NOTCH3: variants seen among roughly 807,000 people sequenced by gnomAD.
NOTCH3 encodes notch receptor 3.
In NOTCH3, 86 loss-of-function variants were observed where a neutral mutation model predicts 213.3. The observed-to-expected ratio is 0.40, with a 90% confidence interval of 0.34 to 0.48. The LOEUF (loss-of-function observed/expected upper bound fraction) is 0.48, where lower values mean the gene tolerates loss of function less well. Ranked by LOEUF, NOTCH3 falls within the 20% of genes least tolerant of loss-of-function variation. The pLI, the probability that NOTCH3 is intolerant of heterozygous loss-of-function variation, is 0.57. For missense variants in NOTCH3, 2,783 were observed against 3,272.6 expected, an observed-to-expected ratio of 0.85 and a Z score of 3.65; for synonymous variants, 1,354 against 1,355.9, an observed-to-expected ratio of 1.00 and a Z score of 0.03.
Position 15,193,787 on chromosome 19 carries a change from C to CAA in NOTCH3, c.198-1270_198-1269dup, listed in dbSNP as rs1171974208. On this transcript the variant is annotated intron_variant, in intron 2 of 32. Coordinates refer to ENST00000263388, the MANE Select transcript of NOTCH3 (RefSeq NM_000435.3). ...CTCCATCTCAAAAAAAAACAAAAAA[C>CAA]AAAAAAAACAAACAGGCCAGGCGCA... Among the ~76,000 whole-genome samples the CAA allele has an allele frequency of 3.3e-3, 206 of 62,368 alleles. 19 individuals are homozygous for CAA. Among genetic ancestry groups the CAA allele is most frequent in the African/African-American group, 8.5e-3 (195 of 22,972 alleles). The allele number at this position is 62,368 out of a possible 152,430, so 40.9% of individuals were successfully genotyped here. A position where few individuals can be genotyped will look rare whatever the true frequency, so the allele number is the denominator to read the frequency against.
In NOTCH3 at chr19:15,183,548, C is replaced by T. The variant is rs561944405; in HGVS notation, c.2566+747G>A. 1.4e-3 allele frequency among the ~76,000 whole-genome samples: 210 copies of T among 152,166 alleles called. 1 individual carries two copies. Among genetic ancestry groups the T allele is most frequent in the African/African-American group, 4.9e-3 (204 of 41,524 alleles). On this transcript the variant is annotated intron_variant, in intron 16 of 32. Coordinates refer to ENST00000263388, the MANE Select transcript of NOTCH3 (RefSeq NM_000435.3). ...CCAAGTAGCTGGGATTACAGGCATG[C>T]GCCACCATGCCCTGCTAATTTTGTA...
chr19:15,170,403 G>A lies in NOTCH3; in HGVS notation c.5042C>T (p.Ser1681Leu), dbSNP rs549690346. ...ACCAGAGGCCACGTCCTTGTGCAGTGAGAAGCCCTCAGGGAACCAGAGGGT... is the reference window on the plus strand; with the variant it reads ...ACCAGAGGCCACGTCCTTGTGCAGTAAGAAGCCCTCAGGGAACCAGAGGGT... ...HSTLWFPEGF[S>L]LHKDVASGHK... Residue 1681 changes from serine to leucine, a missense_variant, in exon 27 of 33, where the codon TCA becomes TTA. By Grantham distance (145) the Ser-to-Leu change is moderately radical (BLOSUM62 -2). Around this residue, in one of 6 missense-constraint regions of NOTCH3, gnomAD observed 636 missense variants for 801.8 expected, o/e 0.79. Coordinates refer to ENST00000263388, the MANE Select transcript of NOTCH3 (RefSeq NM_000435.3). The A allele has an allele frequency of 3.3e-5, 53 of 1,613,682 alleles. No homozygotes were observed. In the South Asian group the frequency reaches 5.4e-4, roughly 16 times the overall value.
rs2145418047 is a variant in NOTCH3 at position 15,179,180 on chromosome 19, C to T, written c.3563G>A (p.Gly1188Asp). ...HNGTCVDLVG[G>D]FRCTCPPGYT... Reference sequence around the variant, plus strand: ...TCCTGGGGGACAGGTGCAGCGGAAACCACCCACCAGGTCCACGCAGGTGCC... The same window carrying T: ...TCCTGGGGGACAGGTGCAGCGGAAATCACCCACCAGGTCCACGCAGGTGCC... Residue 1188 changes from glycine (G) to aspartate (D), a missense_variant, in exon 22 of 33, where the codon GGT (glycine) becomes GAT (aspartate). Physicochemically the swap from Gly to Asp is moderately conservative, Grantham distance 94. Transcript: ENST00000263388. The T allele has an allele frequency of 6.2e-7, 1 of 1,614,104 alleles. No individual in the cohort carries two copies. The highest frequency in any genetic ancestry group is 1.6e-4 in the Middle Eastern group (1 of 6,062).
Position 15,160,330 on chromosome 19 carries a change from T to G in NOTCH3, c.*332A>C, listed in dbSNP as rs1444740437. 4.5e-5 allele frequency: 12 copies of G among 265,456 alleles called. No individual in the cohort carries two copies. The highest frequency in any genetic ancestry group is 3.4e-4 in the East Asian group (6 of 17,718). 16.4% of individuals were successfully genotyped at this position (265,456 alleles called of 1,614,324 possible). On this transcript the variant is annotated 3_prime_UTR_variant, in exon 33 of 33. Coordinates refer to ENST00000263388, the MANE Select transcript of NOTCH3 (RefSeq NM_000435.3). ...GTAAAAAAAAAAAGAAAAATAAAAATAATAATAATTCATTCATGTCAGAGT... is the reference window on the plus strand; with the variant it reads ...GTAAAAAAAAAAAGAAAAATAAAAAGAATAATAATTCATTCATGTCAGAGT...
Position 15,161,525 on chromosome 19 carries a change from CG to C in NOTCH3, c.6102del (p.Gly2035ValfsTer50), listed in dbSNP as rs771517374. The C allele has an allele frequency of 6.9e-6, 11 of 1,599,548 alleles. No individual in the cohort carries two copies. The highest frequency in any genetic ancestry group is 3.5e-5 in the Admixed American group (2 of 57,812). ...AGCAGAGGCCCCAGGCCGTGGGGAC[CG>C]GGGGGGCTGCGGGGCCCACTGGGTT... Reference protein sequence around the residue: ...LDQPSGPRSPPGPHGLGPLLC... With the variant: ...LDQPSGPRSPXGPHGLGPLLC... On this transcript the variant is annotated frameshift_variant, in exon 33 of 33. Transcript: ENST00000263388. LOFTEE classifies it low-confidence loss of function (END_TRUNC).
rs2046999636 is a variant in NOTCH3, at chr19:15,200,054, G to A, written c.118+734C>T. ...GAGGGGAGGGAGGAGAGGAGGAGGG[G>A]CGGGGGCCCCTGGCCGGCTGGGGAG... On this transcript the variant is annotated intron_variant, in intron 1 of 32. Transcript: ENST00000263388. 9.6e-4 allele frequency among the ~76,000 whole-genome samples: 5 copies of A among 5,196 alleles called. No homozygotes were observed. The South Asian group carries it at 0.017, about 18-fold the overall frequency. 3.4% of individuals were successfully genotyped at this position (5,196 alleles called of 152,430 possible). A position where few individuals can be genotyped will look rare whatever the true frequency, so the allele number is the denominator to read the frequency against.
At chr19:15,166,215 T>A in intron 29 of NOTCH3, 124 bp from the exon 30 acceptor site, 1 of 826,122 alleles carries the variant, frequency 1.2e-6, no homozygotes, top group Non-Finnish European at 2.0e-6. Context: ...CAGATCCTCC[T>A]GTCTGCACAC....
intron 2 of NOTCH3, among the ~76,000 whole-genome samples, chr19:15,197,141 A>G (rs1167883922): frequency 2.0e-5 from 3 of 152,122 alleles, no homozygotes; most frequent in Non-Finnish European, 4.4e-5. Flanking sequence ...TTGGTCCCTG[A>G]TAGTTTGTTG....
Position 15,180,228 on chromosome 19 carries a change from C to G in NOTCH3, c.3171G>C (p.Ala1057=), listed in dbSNP as rs569728292. Reference sequence around the variant, plus strand: ...TGTCTTCATCCACACACTGCCCACCCGCCTGACACAGCTGCTCCAGCCGCA... The same window carrying G: ...TGTCTTCATCCACACACTGCCCACCGGCCTGACACAGCTGCTCCAGCCGCA... ...IGVRLEQLCQ[A]GGQCVDEDSS... is the part of the protein sequence containing the mutation. Residue 1057 remains alanine (A), a synonymous_variant, in exon 20 of 33, where the codon GCG becomes GCC. Transcript: ENST00000263388. 9.9e-6 allele frequency: 16 copies of G among 1,613,772 alleles called. No individual in the cohort carries two copies. The South Asian group carries it at 1.8e-4, about 18-fold the overall frequency.
At chr19:15,164,350 G>A (rs1272339924) in intron 31 of NOTCH3, among the ~76,000 whole-genome samples, 1 of 152,056 alleles carries the variant, frequency 6.6e-6, no homozygotes, top group Non-Finnish European at 1.5e-5. Context: ...GGCCAGCCTG[G>A]CCAACATTGC....
Position 15,192,160 on chromosome 19 carries a change from T to A in NOTCH3, c.479A>T (p.Asp160Val). ...GCAGGGCTCACCCACCCGGCACTCATCCACGTCGCTTCGGCAGCTGCGGCC... is the reference window on the plus strand; with the variant it reads ...GCAGGGCTCACCCACCCGGCACTCAACCACGTCGCTTCGGCAGCTGCGGCC... Reference protein sequence around the residue: ...YQGRSCRSDVDECRVGEPCRH... With the variant: ...YQGRSCRSDVVECRVGEPCRH... Residue 160 changes from aspartate (D) to valine (V), a missense_variant, in exon 4 of 33, where the codon GAT becomes GTT. This residue lies in a region of NOTCH3 where 708 missense variants were observed against 906.6 expected (regional missense o/e 0.78). Coordinates refer to ENST00000263388, the MANE Select transcript of NOTCH3 (RefSeq NM_000435.3). 6.2e-7 allele frequency: 1 copy of A among 1,612,692 alleles called. No homozygotes were observed. The highest frequency in any genetic ancestry group is 8.5e-7 in the Non-Finnish European group (1 of 1,179,918).
At chr19:15,169,334 C>T (rs2046711868) in intron 28 of NOTCH3, among the ~76,000 whole-genome samples, 1 of 152,044 alleles carries the variant, frequency 6.6e-6, no homozygotes, top group South Asian at 2.1e-4. Flanking sequence ...CTGACAGCAC[C>T]TTGGGCTTGG....
chr19:15,166,227 C>T, intron 29 of NOTCH3, 136 bp from the exon 30 acceptor site: 1 of 747,674 alleles, frequency 1.3e-6, no homozygotes, highest in African/African-American at 1.7e-5. Flanking sequence ...TCTGCACACC[C>T]ACACCCAGAA....
In NOTCH3 at chr19:15,160,517, G is replaced by A. The variant is rs558168808; in HGVS notation, c.*145C>T. 22 of 780,746 alleles carry A rather than the reference G, an allele frequency of 2.8e-5. No homozygotes were observed. The highest frequency in any genetic ancestry group is 1.5e-4 in the Admixed American group (8 of 54,494). The allele number at this position is 780,746 out of a possible 1,614,324, so 48.4% of individuals were successfully genotyped here. A position where few individuals can be genotyped will look rare whatever the true frequency, so the allele number is the denominator to read the frequency against. Reference sequence around the variant, plus strand: ...AAGCCCTGGGCTGATGACCTATCTCGGTCACGCTGCAAGGCAAGGATGCAG... The same window carrying A: ...AAGCCCTGGGCTGATGACCTATCTCAGTCACGCTGCAAGGCAAGGATGCAG... On this transcript the variant is annotated 3_prime_UTR_variant, in exon 33 of 33. Transcript: ENST00000263388.
rs763718957 is a variant in NOTCH3 at position 15,181,629 on chromosome 19, C to A, written c.2739G>T (p.Pro913=). 2.1e-5 allele frequency: 32 copies of A among 1,551,192 alleles called. No homozygotes were observed. The highest frequency in any genetic ancestry group is 5.9e-5 in the Admixed American group (3 of 51,014). Residue 913 remains proline (P), a synonymous_variant, in exon 17 of 33, where the codon CCG becomes CCT. Transcript: ENST00000263388. ...CGCAGTGGAAGCCTCCGTAGCCTGGCGGGCAGGTGCAGGTGAAGGAGGCCA... is the reference window on the plus strand; with the variant it reads ...CGCAGTGGAAGCCTCCGTAGCCTGGAGGGCAGGTGCAGGTGAAGGAGGCCA... The part of the protein sequence containing the change: ...DHVASFTCTC[P]PGYGGFHCEQ...
At chr19:15,196,063 G>A (rs1169071312) in intron 2 of NOTCH3, among the ~76,000 whole-genome samples, 1 of 151,510 alleles carries the variant, frequency 6.6e-6, no homozygotes, top group Non-Finnish European at 1.5e-5. Flanking sequence ...TCCTTGAAAG[G>A]ACTTGAGTAT....
chr19:15,187,448 G>C, intron 10 of NOTCH3, 110 bp from the exon 11 acceptor site: 4 of 923,952 alleles, frequency 4.3e-6, no homozygotes, highest in Non-Finnish European at 1.6e-6. Context: ...CCATCAAGCT[G>C]TCAGGAGGCG....
chr19:15,184,236 T>A, intron 16 of NOTCH3, 59 bp downstream of exon 16: 1 of 1,535,408 alleles, frequency 6.5e-7, no homozygotes, highest in Non-Finnish European at 9.0e-7. Context: ...AGGCACACAG[T>A]TCAAGCTTAA....
chr19:15,174,447 G>A lies in NOTCH3; in HGVS notation c.4404-47C>T, dbSNP rs191452268. 581 of 1,402,874 alleles carry A rather than the reference G, an allele frequency of 4.1e-4. 2 individuals are homozygous for A. The African/African-American group carries it at 7.2e-3, about 17-fold the overall frequency. The allele number at this position is 1,402,874 out of a possible 1,614,324, so 86.9% of individuals were successfully genotyped here. A position where few individuals can be genotyped will look rare whatever the true frequency, so the allele number is the denominator to read the frequency against. ...GAGAGGGGCGGAGTCAGGGGTCAGA[G>A]GAGACAATCCCCTTCCATGCATTCA... On this transcript the variant is annotated intron_variant, in intron 24 of 32. Coordinates refer to ENST00000263388, the MANE Select transcript of NOTCH3 (RefSeq NM_000435.3).
Sources: gnomAD v4.1 joint callset for allele counts (sites outside exome capture counted in the v4.1 genomes callset) on GRCh38, gnomAD v4.1.1 for gene constraint, gnomAD v4.1.1 regional missense constraint, MANE v1.5 for transcripts, NCBI Gene and HGNC (gene_info 2026-07-23, HGNC 2026-07-21) for gene names.